The following LINGO2 variants were observed in gnomAD, a reference collection of about 807,000 sequenced individuals.
The protein encoded by LINGO2 is leucine rich repeat and Ig domain containing 2.
Under a neutral mutation model 30.6 loss-of-function variants are expected in LINGO2, and 14 were observed. The observed-to-expected ratio is 0.46, with a 90% confidence interval of 0.30 to 0.72. The LOEUF (loss-of-function observed/expected upper bound fraction) is 0.72. Ranked by LOEUF, LINGO2 falls within the 30% of genes least tolerant of loss-of-function variation. LINGO2 has a pLI of 0.07. For missense variants in LINGO2, 729 were observed against 751.7 expected (o/e 0.97, Z 0.35); for synonymous variants, 317 against 288.5 (o/e 1.10, Z -1.00).
the LINGO2 span, among the ~76,000 whole-genome samples, chr9:28,903,715 C>A: frequency 2.6e-5 from 4 of 152,056 alleles, no homozygotes; most frequent in South Asian, 8.3e-4. Flanking sequence ...TAGGCTCAAG[C>A]TATCCTCCTG....
chr9:29,056,669 A>T, the LINGO2 span, among the ~76,000 whole-genome samples: 2 of 152,096 alleles, frequency 1.3e-5, no homozygotes, highest in African/African-American at 4.8e-5. Context: ...GCCGACGACA[A>T]TGTCTAGAAG....
downstream of LINGO2, among the ~76,000 whole-genome samples, chr9:27,945,396 G>A (rs1823325979): frequency 6.6e-6 from 1 of 152,022 alleles, no homozygotes; most frequent in Non-Finnish European, 1.5e-5. Context: ...ATATTTGACA[G>A]AATAATGAAA....
intron 3 of LINGO2, among the ~76,000 whole-genome samples, chr9:28,333,391 G>C (rs868404077): frequency 6.6e-6 from 1 of 152,138 alleles, no homozygotes; most frequent in Admixed American, 6.5e-5. Context: ...TTAAAGGACA[G>C]ATTTGTATAA....
chr9:29,072,447 CTAAAT>C, the LINGO2 span, among the ~76,000 whole-genome samples: 2 of 151,656 alleles, frequency 1.3e-5, no homozygotes, highest in Non-Finnish European at 2.9e-5. Context: ...ACTAAAAACA[CTAAAT>C]TATATATTTA....
At chr9:29,181,933 C>T in the LINGO2 span, among the ~76,000 whole-genome samples, 1 of 152,104 alleles carries the variant, frequency 6.6e-6, no homozygotes, top group Non-Finnish European at 1.5e-5. Flanking sequence ...TTTCAAATGC[C>T]AGACTCCATG....
At chr9:28,914,076 A>G in the LINGO2 span, among the ~76,000 whole-genome samples, 50 of 152,186 alleles carry the variant, frequency 3.3e-4, no homozygotes, top group Non-Finnish European at 6.5e-4. Flanking sequence ...CTTTCCTGTG[A>G]TAAAGCATAC....
intron 1 of LINGO2, among the ~76,000 whole-genome samples, chr9:28,634,616 G>C (rs967116984): frequency 4.0e-5 from 6 of 151,168 alleles, no homozygotes; most frequent in Non-Finnish European, 5.9e-5. Flanking sequence ...CTCCCGAGTA[G>C]CTGGGATTAC....
the LINGO2 span, among the ~76,000 whole-genome samples, chr9:28,814,949 A>C: frequency 6.6e-6 from 1 of 152,228 alleles, no homozygotes; most frequent in African/African-American, 2.4e-5. Context: ...TAATATTTAA[A>C]CAATAACTTG....
intron 2 of LINGO2, among the ~76,000 whole-genome samples, chr9:28,458,392 T>A (rs1824938912): frequency 6.6e-6 from 1 of 152,190 alleles, no homozygotes; most frequent in South Asian, 2.1e-4. Context: ...TTTTCTGTGA[T>A]TTTCACTTGT....
At chr9:28,984,687 T>TCCTAATA in the LINGO2 span, among the ~76,000 whole-genome samples, 1 of 152,048 alleles carries the variant, frequency 6.6e-6, no homozygotes, top group Non-Finnish European at 1.5e-5. Context: ...AAAGAGGGCT[T>TCCTAATA]CCTAATACAA....
chr9:28,305,613 T>A (rs1184773830), intron 3 of LINGO2, among the ~76,000 whole-genome samples: 1 of 151,998 alleles, frequency 6.6e-6, no homozygotes, highest in African/African-American at 2.4e-5. Flanking sequence ...AAGTTCCCAA[T>A]AATATAAAAT....
chr9:27,978,948 G>A (rs1820729879), intron 5 of LINGO2, among the ~76,000 whole-genome samples: 1 of 152,032 alleles, frequency 6.6e-6, no homozygotes, highest in Non-Finnish European at 1.5e-5. Context: ...AATACTGGGA[G>A]AAAAATAGTT....
intron 1 of LINGO2, among the ~76,000 whole-genome samples, chr9:28,484,973 C>G (rs952372195): frequency 1.3e-5 from 2 of 152,046 alleles, no homozygotes; most frequent in African/African-American, 4.8e-5. Flanking sequence ...TAGGTCATGA[C>G]TCTCCCCTCA....
chr9:28,056,751 A>C lies in LINGO2; in HGVS notation c.-86-44346T>G, dbSNP rs141899333. On this transcript the variant is annotated intron_variant, in intron 4 of 5. Coordinates refer to ENST00000379992, the Ensembl canonical transcript of LINGO2. ...CTTGACTTTTACTTTCGTCACTTGC[A>C]ACTCCAAAGAATTCTGATATATACA... Among the ~76,000 whole-genome samples, 13 of 152,304 alleles carry C rather than the reference A, an allele frequency of 8.5e-5. No homozygotes were observed. The East Asian group carries it at 2.5e-3, about 29-fold the overall frequency.
intron 4 of LINGO2, among the ~76,000 whole-genome samples, chr9:28,043,733 T>A (rs1178898271): frequency 1.3e-5 from 2 of 152,152 alleles, no homozygotes; most frequent in Non-Finnish European, 2.9e-5. Context: ...CCCCACCCAA[T>A]CCTCCACCTC....
chr9:28,928,560 C>A, the LINGO2 span, among the ~76,000 whole-genome samples: 1 of 152,044 alleles, frequency 6.6e-6, no homozygotes, highest in Non-Finnish European at 1.5e-5. Flanking sequence ...TGAGGTTCCA[C>A]TCAGGCACTG....
the LINGO2 span, among the ~76,000 whole-genome samples, chr9:29,043,315 TG>T: frequency 6.6e-6 from 1 of 151,970 alleles, no homozygotes; most frequent in African/African-American, 2.4e-5. Flanking sequence ...CATTATCTGC[TG>T]GGAAGTCTTA....
At chr9:28,826,726 A>C in the LINGO2 span, among the ~76,000 whole-genome samples, 1 of 152,212 alleles carries the variant, frequency 6.6e-6, no homozygotes, top group Non-Finnish European at 1.5e-5. Context: ...AAGTCTGTTA[A>C]TTTAACTGAT....
intron 1 of LINGO2, among the ~76,000 whole-genome samples, chr9:28,549,646 T>A (rs1822167030): frequency 6.6e-6 from 1 of 150,796 alleles, no homozygotes; most frequent in African/African-American, 2.4e-5. Context: ...TATTTTAGTA[T>A]TTTTTTTTAC....
Sources: allele counts gnomAD v4.1 joint callset (sites outside exome capture counted in the v4.1 genomes callset), GRCh38; gene constraint gnomAD v4.1.1; transcripts MANE v1.5; gene names NCBI Gene and HGNC (gene_info 2026-07-23, HGNC 2026-07-21).